CDK6: variants seen among roughly 807,000 people sequenced by gnomAD.
The protein encoded by CDK6 is cyclin dependent kinase 6.
A neutral mutation model predicts 37.1 loss-of-function variants in CDK6; 6 were observed. The observed-to-expected ratio is 0.16, with a 90% CI of 0.09 to 0.32. The LOEUF (loss-of-function observed/expected upper bound fraction) is 0.32. Ranked by LOEUF, CDK6 falls within the 10% of genes least tolerant of loss-of-function variation. CDK6 has a pLI of 1.00. For synonymous variants in CDK6, 160 were observed against 161.3 expected (o/e 0.99, Z 0.06); for missense variants, 224 against 418.9 (o/e 0.53, Z 4.06).
At chr7:92,768,218 T>C (rs943273086) in intron 3 of CDK6, among the ~76,000 whole-genome samples, 1 of 151,920 alleles carries the variant, frequency 6.6e-6, no homozygotes, top group African/African-American at 2.4e-5. Context: ...ACAAAGGATA[T>C]AGAAAACACA....
intron 3 of CDK6, among the ~76,000 whole-genome samples, chr7:92,727,030 T>C (rs1798530095): frequency 6.6e-6 from 1 of 152,178 alleles, no homozygotes; most frequent in East Asian, 1.9e-4. Flanking sequence ...ATCAGATCTT[T>C]TTCTAATTTT....
intron 4 of CDK6, among the ~76,000 whole-genome samples, chr7:92,702,655 G>A (rs895691672): frequency 1.3e-5 from 2 of 152,082 alleles, no homozygotes; most frequent in South Asian, 4.1e-4. Context: ...CTAGCCTTTG[G>A]CTCAGTATGT....
At chr7:92,719,050 GT>G (rs746507018) in intron 4 of CDK6, among the ~76,000 whole-genome samples, 9 of 152,190 alleles carry the variant, frequency 5.9e-5, no homozygotes, top group Non-Finnish European at 8.8e-5. Context: ...TTCCGTTAGT[GT>G]TACTAAATGC....
At chr7:92,671,829 G>T (rs938078405) in intron 4 of CDK6, among the ~76,000 whole-genome samples, 1 of 150,752 alleles carries the variant, frequency 6.6e-6, no homozygotes, top group Non-Finnish European at 1.5e-5. Context: ...CTTAGAAACC[G>T]TTTTTTTTCT....
chr7:92,686,109 T>C (rs560804467), intron 4 of CDK6, among the ~76,000 whole-genome samples: 1 of 152,356 alleles, frequency 6.6e-6, no homozygotes, highest in East Asian at 1.9e-4. Flanking sequence ...AAGAAAAACA[T>C]GTATTACATA....
intron 2 of CDK6, among the ~76,000 whole-genome samples, chr7:92,807,479 T>C (rs1311063997): frequency 6.6e-6 from 1 of 151,774 alleles, no homozygotes; most frequent in Non-Finnish European, 1.5e-5. Context: ...TATATCTACA[T>C]AATTATATGT....
chr7:92,627,331 G>C (rs1585347159), intron 5 of CDK6, among the ~76,000 whole-genome samples: 1 of 152,096 alleles, frequency 6.6e-6, no homozygotes, highest in African/African-American at 2.4e-5. Context: ...CTGAAGGTCT[G>C]TGCCCCTGAA....
intron 5 of CDK6, among the ~76,000 whole-genome samples, chr7:92,645,253 C>T (rs1014509286): frequency 9.2e-5 from 14 of 152,162 alleles, no homozygotes; most frequent in Non-Finnish European, 1.9e-4. Context: ...TAATGAAATG[C>T]CAAAGAAATG....
In CDK6 at chr7:92,761,109, T is replaced by C. The variant is rs1052507357; in HGVS notation, c.369+13587A>G. The stretch of plus-strand genomic sequence containing the variant: ...ACCTTTGCCATAGTTTTTGCAAATA[T>C]TTTATCATTTGCTTTTTAGTTTTAT... On this transcript the variant is annotated intron_variant, in intron 3 of 7. Coordinates refer to ENST00000424848, the MANE Select transcript of CDK6 (RefSeq NM_001145306.2). 4.6e-5 allele frequency among the ~76,000 whole-genome samples: 7 copies of C among 152,214 alleles called. 1 individual carries two copies. The highest frequency in any genetic ancestry group is 1.4e-4 in the African/African-American group (6 of 41,568).
intron 2 of CDK6, among the ~76,000 whole-genome samples, chr7:92,786,736 G>A (rs1344771246): frequency 1.3e-5 from 2 of 148,698 alleles, no homozygotes; most frequent in Non-Finnish European, 3.0e-5. Context: ...TAATGTATAT[G>A]TATATATATA....
intron 2 of CDK6, among the ~76,000 whole-genome samples, chr7:92,812,910 T>C (rs779674967): frequency 6.6e-6 from 1 of 152,222 alleles, no homozygotes; most frequent in Non-Finnish European, 1.5e-5. Context: ...TTATTTTTAA[T>C]TGTCATACTA....
chr7:92,717,478 GAAAGAAAGA>G (rs1163732162), intron 4 of CDK6, among the ~76,000 whole-genome samples: 61 of 149,738 alleles, frequency 4.1e-4, no homozygotes, highest in South Asian at 1.7e-3. Context: ...GAAAAAGAAA[GAAAGAAAGA>G]AAAGAAAGAA....
At chr7:92,722,849 C>T (rs1371929077) in intron 4 of CDK6, among the ~76,000 whole-genome samples, 11 of 152,104 alleles carry the variant, frequency 7.2e-5, no homozygotes. Flanking sequence ...GAACTTATGG[C>T]CTGATAAATA....
chr7:92,777,601 T>C (rs1012147857), intron 2 of CDK6, among the ~76,000 whole-genome samples: 1 of 152,236 alleles, frequency 6.6e-6, no homozygotes, highest in African/African-American at 2.4e-5. Context: ...ATATTTGTTT[T>C]GGTACCAGTA....
At chr7:92,681,584 G>C (rs1460084377) in intron 4 of CDK6, among the ~76,000 whole-genome samples, 1 of 152,182 alleles carries the variant, frequency 6.6e-6, no homozygotes, top group African/African-American at 2.4e-5. Context: ...GAGGTACCAT[G>C]TTAGTCCTGG....
At chr7:92,679,337 A>C (rs891379397) in intron 4 of CDK6, among the ~76,000 whole-genome samples, 2 of 152,220 alleles carry the variant, frequency 1.3e-5, no homozygotes, top group Admixed American at 1.3e-4. Context: ...ATGGCAATGA[A>C]GATTTAAAAA....
At chr7:92,670,059 G>A (rs1396013900) in intron 5 of CDK6, among the ~76,000 whole-genome samples, 1 of 152,050 alleles carries the variant, frequency 6.6e-6, no homozygotes, top group African/African-American at 2.4e-5. Flanking sequence ...TTTTCTCCCC[G>A]CTCCTTGGGA....
At chr7:92,748,577 G>C (rs1799114208) in intron 3 of CDK6, among the ~76,000 whole-genome samples, 1 of 152,140 alleles carries the variant, frequency 6.6e-6, no homozygotes, top group African/African-American at 2.4e-5. Context: ...TTTAATCCTT[G>C]TTTTATGGAT....
intron 2 of CDK6, among the ~76,000 whole-genome samples, chr7:92,820,495 G>A (rs997795269): frequency 4.6e-5 from 7 of 152,134 alleles, no homozygotes; most frequent in Non-Finnish European, 8.8e-5. Flanking sequence ...TTTTAGCAAA[G>A]TAGCTGATAG....
Sources: gnomAD v4.1 joint callset for allele counts (sites outside exome capture counted in the v4.1 genomes callset) on GRCh38, gnomAD v4.1.1 for gene constraint, MANE v1.5 for transcripts, NCBI Gene and HGNC (gene_info 2026-07-23, HGNC 2026-07-21) for gene names.